Variants in DHRS1 observed in about 807,000 individuals in gnomAD.
The protein encoded by DHRS1 is dehydrogenase/reductase SDR family member 1.
DHRS1 carries 34 observed loss-of-function variants against 35.2 expected under a neutral mutation model. The ratio of observed to expected loss-of-function variants is 0.97; its 90% CI spans 0.74 to 1.29. The LOEUF is 1.29. Among genes scored for constraint, DHRS1 ranks in the 50% most tolerant of loss-of-function variants. The pLI, the probability that DHRS1 is intolerant of heterozygous loss-of-function variation, is 0.00. For missense variants in DHRS1, 354 were observed against 403.6 expected (o/e 0.88, Z 1.05); for synonymous variants, 133 against 160.0 (o/e 0.83, Z 1.27).
chr14:24,292,720 C>G lies in DHRS1; in HGVS notation c.439G>C (p.Val147Leu), dbSNP rs370901991. The G allele has an allele frequency of 6.2e-7, 1 of 1,614,186 alleles. No homozygotes were observed. The highest frequency in any genetic ancestry group is 8.5e-7 in the Non-Finnish European group (1 of 1,180,026). Residue 147 changes from valine to leucine, a missense_variant, in exon 5 of 9, where the codon GTG becomes CTG. Val to Leu is a conservative substitution (Grantham distance 32, BLOSUM62 1). Transcript: ENST00000288111. ...LMVPAGQGLI[V>L]VISSPGSLQY... ...AGGCTTCCTGGGGAGGAGATGACCACGATGAGCCCCTGGCCAGCTGGTACC... is the reference window on the plus strand; with the variant it reads ...AGGCTTCCTGGGGAGGAGATGACCAGGATGAGCCCCTGGCCAGCTGGTACC...
intron 5 of DHRS1, 108 bp downstream of exon 5, chr14:24,292,544 T>G: frequency 6.3e-7 from 1 of 1,589,088 alleles, no homozygotes; most frequent in Non-Finnish European, 8.6e-7. Context: ...GAGGAGGAGC[T>G]GAGAGGAGCC....
In DHRS1 at chr14:24,290,871, A is replaced by G; in HGVS notation, c.930T>C (p.Thr310=). 6.2e-7 allele frequency: 1 copy of G among 1,613,824 alleles called. No homozygotes were observed. Among genetic ancestry groups the G allele is most frequent in the Non-Finnish European group, 8.5e-7 (1 of 1,179,954 alleles). The change falls in exon 9 of 9, where the codon ACT becomes ACC. Residue 310 remains threonine (T), a synonymous_variant. Transcript: ENST00000288111. ...CAGACCAGGAGGGTTAGAACTTGCT[A>G]GTGTAGAGGGCAATAATCCACTTGG... The part of the protein sequence containing the change: ...RVPKWIIALY[T]SKF
rs1386732155 is a variant in DHRS1, at chr14:24,290,636, T to TTTTTCAATA, written c.*214_*222dup. The TTTTTCAATA allele has an allele frequency of 3.9e-6, 2 of 510,478 alleles. No homozygotes were observed. Among genetic ancestry groups the TTTTTCAATA allele is most frequent in the Non-Finnish European group, 6.9e-6 (2 of 288,000 alleles). The allele number at this position is 510,478 out of a possible 1,614,324, so 31.6% of individuals were successfully genotyped here. On this transcript the variant is annotated 3_prime_UTR_variant, in exon 9 of 9. Coordinates refer to ENST00000288111, the MANE Select transcript of DHRS1 (RefSeq NM_001136050.3). ...GAGACTTTTATTAGCTCCAAGAGCA[T>TTTTTCAATA]TTTTCAATACTAAGGCAAAAAGTAA... is the stretch of plus-strand genomic sequence containing the variant.
intron 1 of DHRS1, 71 bp from the exon 2 acceptor site, chr14:24,299,201 A>G (rs1179076820): frequency 7.1e-7 from 1 of 1,417,180 alleles, no homozygotes; most frequent in African/African-American, 1.4e-5. Context: ...GTTGGGGGGT[A>G]GGGGAGAACC....
chr14:24,290,956 A>G lies in DHRS1; in HGVS notation c.845T>C (p.Leu282Pro), dbSNP rs1365919167. The change falls in exon 9 of 9, where the codon CTC becomes CCC. Residue 282 changes from leucine to proline, a missense_variant. Transcript: ENST00000288111. Reference protein sequence around the residue: ...VQDYLSLSSVLSHVSGLGWLA... With the variant: ...VQDYLSLSSVPSHVSGLGWLA... ...CCAGCCCAGGCCGGACACGTGTGAG[A>G]GAACAGAGCTCAAAGACAAATAGTC... The G allele has an allele frequency of 6.2e-7, 1 of 1,614,118 alleles. No homozygotes were observed. Among genetic ancestry groups the G allele is most frequent in the African/African-American group, 1.3e-5 (1 of 75,012 alleles).
At position 24,296,436 on chromosome 14, in the gene DHRS1, T is replaced by G. The variant is rs146498796; in HGVS notation, c.374+73A>C. ...AGGCCGGAGGGAAAAGGAGAGGGCA[T>G]GTAAGGAAAGGCCTGGCCGTCGAGT... On this transcript the variant is annotated intron_variant, in intron 4 of 8. Coordinates refer to ENST00000288111, the MANE Select transcript of DHRS1 (RefSeq NM_001136050.3). 314 of 1,422,568 alleles carry G rather than the reference T, an allele frequency of 2.2e-4. 2 individuals are homozygous for G. The African/African-American group carries it at 3.7e-3, about 17-fold the overall frequency. The allele number at this position is 1,422,568 out of a possible 1,614,324, so 88.1% of individuals were successfully genotyped here.
At chr14:24,297,048 A>G (rs1211077239) in intron 2 of DHRS1, among the ~76,000 whole-genome samples, 167 bp from the exon 3 acceptor site, 2 of 152,242 alleles carry the variant, frequency 1.3e-5, no homozygotes, top group African/African-American at 4.8e-5. Context: ...CTGTTTGAGT[A>G]GTTTCAGGAA....
At chr14:24,297,388 G>C (rs2041268503) in intron 2 of DHRS1, among the ~76,000 whole-genome samples, 1 of 152,146 alleles carries the variant, frequency 6.6e-6, no homozygotes, top group African/African-American at 2.4e-5. Context: ...TCTACTTCCT[G>C]TTCTGTCTCA....
chr14:24,292,442 C>T (rs1473618399), intron 5 of DHRS1, 112 bp from the exon 6 acceptor site: 4 of 1,522,802 alleles, frequency 2.6e-6, no homozygotes, highest in Admixed American at 3.8e-5. Context: ...CCCAGGAGCC[C>T]CAAGGTCTCA....
At chr14:24,292,453 G>C (rs768428337) in intron 5 of DHRS1, 123 bp from the exon 6 acceptor site, 187 of 1,481,448 alleles carry the variant, frequency 1.3e-4, no homozygotes, top group Middle Eastern at 4.6e-4. Context: ...CAAGGTCTCA[G>C]CTGCCCACGC....
chr14:24,292,201 C>A lies in DHRS1; in HGVS notation c.637G>T (p.Asp213Tyr). The A allele has an allele frequency of 6.2e-7, 1 of 1,614,152 alleles. No homozygotes were observed. The highest frequency in any genetic ancestry group is 8.5e-7 in the Non-Finnish European group (1 of 1,180,034). ...EHMAKEEVLQ[D>Y]PVLKQFKSAF... ...TTGCCAACCTGCTTCAACACAGGAT[C>A]CTGCAGGACCTCCTCCTTTGCCATA... The change falls in exon 6 of 9, where the codon GAT becomes TAT. Residue 213 changes from aspartate to tyrosine, a missense_variant. Asp to Tyr is a radical substitution (Grantham distance 160, BLOSUM62 -3). Coordinates refer to ENST00000288111, the MANE Select transcript of DHRS1 (RefSeq NM_001136050.3).
chr14:24,291,322 G>C (rs1343327161), intron 7 of DHRS1, 103 bp from the exon 8 acceptor site: 2 of 1,273,130 alleles, frequency 1.6e-6, no homozygotes, highest in Non-Finnish European at 2.3e-6. Context: ...CTGGAGCTCA[G>C]GATCCCTGGA....
chr14:24,291,262 T>G lies in DHRS1; in HGVS notation c.725-43A>C, dbSNP rs761972766. The G allele has an allele frequency of 1.9e-6, 3 of 1,599,556 alleles. No individual in the cohort carries two copies. The South Asian group carries it at 3.3e-5, about 18-fold the overall frequency. ...GGTGGAGATGGCAGGCAGGGGAGTA[T>G]GCAGAGTGACAAGGTTTGGGCCCAG... On this transcript the variant is annotated intron_variant, in intron 7 of 8. Coordinates refer to ENST00000288111, the MANE Select transcript of DHRS1 (RefSeq NM_001136050.3).
At position 24,292,721 on chromosome 14, in the gene DHRS1, G is replaced by A. The variant is rs7161005; in HGVS notation, c.438C>T (p.Ile146=). The A allele has an allele frequency of 3.0e-4, 490 of 1,614,170 alleles. 4 individuals carry two copies. The African/African-American group carries it at 5.6e-3, about 19-fold the overall frequency. The change falls in exon 5 of 9, where the codon ATC becomes ATT. Residue 146 remains isoleucine (I), a synonymous_variant. Coordinates refer to ENST00000288111, the MANE Select transcript of DHRS1 (RefSeq NM_001136050.3). ...RLMVPAGQGL[I]VVISSPGSLQ... is the part of the protein sequence containing the mutation. ...GGCTTCCTGGGGAGGAGATGACCAC[G>A]ATGAGCCCCTGGCCAGCTGGTACCA...
At chr14:24,294,975 T>A (rs1173464112) in intron 4 of DHRS1, among the ~76,000 whole-genome samples, 1 of 152,230 alleles carries the variant, frequency 6.6e-6, no homozygotes, top group Non-Finnish European at 1.5e-5. Flanking sequence ...GGTCTTTTTG[T>A]AGGAGAGCTT....
At position 24,292,262 on chromosome 14, in the gene DHRS1, C is replaced by T; in HGVS notation, c.576G>A (p.Trp192Ter). 5 of 1,614,190 alleles carry T rather than the reference C, an allele frequency of 3.1e-6. No homozygotes were observed. The highest frequency in any genetic ancestry group is 3.4e-6 in the Non-Finnish European group (4 of 1,180,032). ...RRHGVSCVSL[W>*]PGIVQTELLK... ...GCAGTTCTGTCTGCACAATCCCCGG[C>T]CACAGAGACACACAGCTGACCCCAT... is the stretch of plus-strand genomic sequence containing the variant. Residue 192 changes from tryptophan to a stop codon, truncating the protein, a stop_gained, in exon 6 of 9, where the codon TGG becomes TGA. Coordinates refer to ENST00000288111, the MANE Select transcript of DHRS1 (RefSeq NM_001136050.3). LOFTEE classifies it high-confidence loss of function.
At chr14:24,293,520 G>A (rs2041197587) in intron 4 of DHRS1, 1 of 152,132 alleles carries the variant, frequency 6.6e-6, no homozygotes, top group African/African-American at 2.4e-5. Context: ...GTTGCAGTAA[G>A]CTGAGATTGT....
rs1294953114 is a variant in DHRS1 at position 24,296,885 on chromosome 14, G to T, written c.151-4C>A. ...ATTGGCCCCCGAGGGATTGTGCCTG[G>T]AGTAGGACAGGGGATATGAGCTCAC... On this transcript the variant is annotated splice_region_variant and splice_polypyrimidine_tract_variant and intron_variant, in intron 2 of 8. Transcript: ENST00000288111. 4.3e-6 allele frequency: 7 copies of T among 1,614,216 alleles called. No homozygotes were observed. In the Middle Eastern group the frequency reaches 8.2e-4, roughly 190 times the overall value.
rs764337928 is a variant in DHRS1, at chr14:24,296,519, C to A, written c.364G>T (p.Val122Phe). 6.2e-7 allele frequency: 1 copy of A among 1,614,142 alleles called. No individual in the cohort carries two copies. The highest frequency in any genetic ancestry group is 2.2e-5 in the East Asian group (1 of 44,890). Reference sequence around the variant, plus strand: ...CAGTGGAGCACCCACCTGAGTCCGACGTTGTTGATATCATCCCACATGGAG... The same window carrying A: ...CAGTGGAGCACCCACCTGAGTCCGAAGTTGTTGATATCATCCCACATGGAG... ...PASMWDDINN[V>F]GLRGHYFCSV... is the part of the protein sequence containing the mutation. The change falls in exon 4 of 9, where the codon GTC becomes TTC. Residue 122 changes from valine (V) to phenylalanine (F), a missense_variant. Physicochemically the swap from Val to Phe is conservative, Grantham distance 50. Transcript: ENST00000288111.
Sources: allele counts gnomAD v4.1 joint callset (sites outside exome capture counted in the v4.1 genomes callset), GRCh38; gene constraint gnomAD v4.1.1; transcripts MANE v1.5; gene names NCBI Gene and HGNC (gene_info 2026-07-23, HGNC 2026-07-21).